EMILIN2: variants seen among roughly 807,000 people sequenced by gnomAD.
EMILIN2 encodes the protein elastin microfibril interfacer 2.
A neutral mutation model predicts 87.1 loss-of-function variants in EMILIN2; 71 were observed. That is an observed-to-expected ratio of 0.82 (90% confidence interval 0.67 to 0.99). The LOEUF is 0.99. Ranked by LOEUF, EMILIN2 falls within the 50% of genes least tolerant of loss-of-function variation. The pLI, the probability that EMILIN2 is intolerant of heterozygous loss-of-function variation, is 0.00. For missense variants in EMILIN2, 1,407 were observed against 1,371.8 expected (o/e 1.03, Z -0.40); for synonymous variants, 581 against 563.4 (o/e 1.03, Z -0.44).
intron 3 of EMILIN2, among the ~76,000 whole-genome samples, chr18:2,888,664 G>A (rs539153092): frequency 2.1e-4 from 31 of 148,178 alleles, no homozygotes; most frequent in Non-Finnish European, 3.5e-4. Context: ...GCAGTGAGCC[G>A]AGATAGCACC....
At chr18:2,882,404 TCA>T (rs929468579) in intron 2 of EMILIN2, among the ~76,000 whole-genome samples, 7 of 152,190 alleles carry the variant, frequency 4.6e-5, no homozygotes, top group African/African-American at 9.6e-5. Context: ...GGGTATTTTT[TCA>T]CAGTTTCCTG....
Position 2,913,094 on chromosome 18 carries a change from G to A in EMILIN2, c.2852G>A (p.Arg951His), listed in dbSNP as rs999758178. ...GTCTTCACGGCTCCTTATGATGGGCGCTACCTGATCACGGCCACCCTCACC... is the reference window on the plus strand; with the variant it reads ...GTCTTCACGGCTCCTTATGATGGGCACTACCTGATCACGGCCACCCTCACC... ...TGVFTAPYDG[R>H]YLITATLTPE... The change falls in exon 8 of 8, where the codon CGC (arginine) becomes CAC (histidine). Residue 951 changes from arginine (R) to histidine (H), a missense_variant. Physicochemically the swap from Arg to His is conservative, Grantham distance 29 (BLOSUM62 0). Transcript: ENST00000254528. 1.4e-5 allele frequency: 22 copies of A among 1,611,292 alleles called. No homozygotes were observed. Among genetic ancestry groups the A allele is most frequent in the Non-Finnish European group, 1.6e-5 (19 of 1,179,994 alleles).
At chr18:2,896,320 T>C (rs1256255489) in intron 4 of EMILIN2, among the ~76,000 whole-genome samples, 1 of 151,958 alleles carries the variant, frequency 6.6e-6, no homozygotes, top group African/African-American at 2.4e-5. Flanking sequence ...GGATTACAGG[T>C]GTCTGCCACC....
At chr18:2,867,473 C>T (rs966969157) in intron 2 of EMILIN2, among the ~76,000 whole-genome samples, 25 of 152,212 alleles carry the variant, frequency 1.6e-4, no homozygotes, top group South Asian at 6.2e-4. Context: ...AGGTCTCTGG[C>T]TTTCCTAGGC....
At position 2,847,279 on chromosome 18, in the gene EMILIN2, G is replaced by A. The variant is rs1289066864; in HGVS notation, c.91G>A (p.Gly31Ser). 3.8e-6 allele frequency: 5 copies of A among 1,315,878 alleles called. No homozygotes were observed. The highest frequency in any genetic ancestry group is 2.0e-5 in the South Asian group (1 of 49,432). 81.5% of individuals were successfully genotyped at this position (1,315,878 alleles called of 1,614,324 possible). A position where few individuals can be genotyped will look rare whatever the true frequency, so the allele number is the denominator to read the frequency against. ...GGTTGGCGCGGGGCTGTGCCACGCC[G>A]GCCCGCAGCCCGGGTATCCCGCGCG... ...ALVGAGLCHA[G>S]PQPGYPARPS... Residue 31 changes from glycine to serine, a missense_variant, in exon 1 of 8, where the codon GGC (glycine) becomes AGC (serine). Transcript: ENST00000254528. The surrounding 1 kb of genome is among the most constrained non-coding windows in gnomAD (Gnocchi z 4.5).
chr18:2,913,590 C>A lies in EMILIN2; in HGVS notation c.*186C>A. The A allele has an allele frequency of 1.7e-6, 1 of 572,744 alleles. No individual in the cohort carries two copies. Among genetic ancestry groups the A allele is most frequent in the South Asian group, 2.3e-5 (1 of 43,220 alleles). The allele number at this position is 572,744 out of a possible 1,614,324, so 35.5% of individuals were successfully genotyped here. A position where few individuals can be genotyped will look rare whatever the true frequency, so the allele number is the denominator to read the frequency against. On this transcript the variant is annotated 3_prime_UTR_variant, in exon 8 of 8. Transcript: ENST00000254528. The stretch of plus-strand genomic sequence containing the variant: ...TCCAGCCAGGCTGCAGGGAGTGAGG[C>A]ACACGGTGAACATGGCCACTGACTT...
At chr18:2,874,250 T>G (rs2076736632) in intron 2 of EMILIN2, among the ~76,000 whole-genome samples, 1 of 152,134 alleles carries the variant, frequency 6.6e-6, no homozygotes, top group South Asian at 2.1e-4. Flanking sequence ...AGACAGTGTC[T>G]CATTATATTG....
intron 4 of EMILIN2, among the ~76,000 whole-genome samples, chr18:2,896,222 C>T (rs943064884): frequency 3.3e-5 from 5 of 152,040 alleles, no homozygotes; most frequent in Admixed American, 6.6e-5. Context: ...GTTGCTGGGG[C>T]TGGAGTGCAG....
chr18:2,889,692 CTT>C (rs34248672), intron 3 of EMILIN2, among the ~76,000 whole-genome samples: 2,713 of 96,620 alleles, frequency 0.028, 81 homozygotes, highest in African/African-American at 0.1. Context: ...TTTTTCTTTT[CTT>C]TTTTTTTTTT....
chr18:2,891,123 C>T lies in EMILIN2; in HGVS notation c.996C>T (p.Gly332=), dbSNP rs560726648. The T allele has an allele frequency of 6.8e-6, 11 of 1,614,146 alleles. No homozygotes were observed. The African/African-American group carries it at 9.3e-5, about 14-fold the overall frequency. ...IDALREELME[G]MDRKLADLKN... The stretch of plus-strand genomic sequence containing the variant: ...CCCTGAGAGAGGAGCTCATGGAGGG[C>T]ATGGACAGAAAGCTGGCTGACCTGA... The change falls in exon 4 of 8, where the codon GGC becomes GGT. Residue 332 remains glycine (G), a synonymous_variant. Coordinates refer to ENST00000254528, the MANE Select transcript of EMILIN2 (RefSeq NM_032048.3). The surrounding 1 kb of genome is among the most constrained non-coding windows in gnomAD (Gnocchi z 4.6).
chr18:2,854,501 C>G (rs1464963716), intron 2 of EMILIN2, among the ~76,000 whole-genome samples: 2 of 152,100 alleles, frequency 1.3e-5, no homozygotes, highest in South Asian at 2.1e-4. Context: ...CACACACACA[C>G]AGAACATTTG....
chr18:2,869,786 TTGTGTG>T lies in EMILIN2; in HGVS notation c.258-15156_258-15151del, dbSNP rs777623155. Among the ~76,000 whole-genome samples, 17 of 59,158 alleles carry T rather than the reference TTGTGTG, an allele frequency of 2.9e-4. No homozygotes were observed. In the East Asian group the frequency reaches 3.5e-3, roughly 12 times the overall value. 38.8% of individuals were successfully genotyped at this position (59,158 alleles called of 152,430 possible). ...GATTCCTCTGTGTGTGTGTGTGTGTTTGTGTGTGTGTGTGTGTGTGTGTGTGTACCA... is the reference window on the plus strand; with the variant it reads ...GATTCCTCTGTGTGTGTGTGTGTGTTTGTGTGTGTGTGTGTGTGTGTACCA... On this transcript the variant is annotated intron_variant, in intron 2 of 7. Transcript: ENST00000254528.
At chr18:2,904,944 T>C (rs985238094) in intron 4 of EMILIN2, among the ~76,000 whole-genome samples, 1 of 152,220 alleles carries the variant, frequency 6.6e-6, no homozygotes, top group Non-Finnish European at 1.5e-5. Flanking sequence ...GCCTCCTTAT[T>C]CAGGGAGCAG....
chr18:2,909,407 C>T (rs986587817), intron 6 of EMILIN2, among the ~76,000 whole-genome samples: 1 of 152,216 alleles, frequency 6.6e-6, no homozygotes, highest in Non-Finnish European at 1.5e-5. Context: ...CACACACTCA[C>T]ACGCACATAC....
At chr18:2,907,843 C>T (rs2144072495) in intron 5 of EMILIN2, among the ~76,000 whole-genome samples, 1 of 152,340 alleles carries the variant, frequency 6.6e-6, no homozygotes, top group African/African-American at 2.4e-5. Context: ...CTGAATGGGG[C>T]AGGTCATGTC....
At chr18:2,895,210 C>T (rs1193237462) in intron 4 of EMILIN2, among the ~76,000 whole-genome samples, 4 of 151,864 alleles carry the variant, frequency 2.6e-5, no homozygotes, top group Non-Finnish European at 5.9e-5. Context: ...GAAGCACCCA[C>T]AGTGGAAGTC....
In EMILIN2 at chr18:2,890,433, C is replaced by A. The variant is rs1420954101; in HGVS notation, c.434-128C>A. On this transcript the variant is annotated intron_variant, in intron 3 of 7. Transcript: ENST00000254528. This position sits in a 1 kb window ranked among gnomAD's most constrained non-coding sequence, Gnocchi z 4.7. The stretch of plus-strand genomic sequence containing the variant: ...TTTTCTACTGTACCACAGTACTTAC[C>A]TACAATTGTGTAGTGACCTGTAAGT... 7.1e-6 allele frequency: 8 copies of A among 1,133,844 alleles called. No individual in the cohort carries two copies. The highest frequency in any genetic ancestry group is 1.2e-6 in the Non-Finnish European group (1 of 808,610). The allele number at this position is 1,133,844 out of a possible 1,614,324, so 70.2% of individuals were successfully genotyped here.
At chr18:2,893,470 A>G (rs1331807443) in intron 4 of EMILIN2, among the ~76,000 whole-genome samples, 3 of 152,242 alleles carry the variant, frequency 2.0e-5, no homozygotes, top group Admixed American at 6.5e-5. Context: ...TAGTGCTGAG[A>G]GCAATGCTGG....
rs796441591 is a variant in EMILIN2 at position 2,890,324 on chromosome 18, G to A, written c.434-237G>A. Among the ~76,000 whole-genome samples, 1 of 152,210 alleles carries A rather than the reference G, an allele frequency of 6.6e-6. No homozygotes were observed. Among genetic ancestry groups the A allele is most frequent in the Non-Finnish European group, 1.5e-5 (1 of 68,032 alleles). On this transcript the variant is annotated intron_variant, in intron 3 of 7. Coordinates refer to ENST00000254528, the MANE Select transcript of EMILIN2 (RefSeq NM_032048.3). The surrounding 1 kb of genome is among the most constrained non-coding windows in gnomAD (Gnocchi z 4.7). Reference sequence around the variant, plus strand: ...GATGAGAGGATTATAGTTCACAGAAGTTAGTTAACTTGCTCAAGGACAAAC... The same window carrying A: ...GATGAGAGGATTATAGTTCACAGAAATTAGTTAACTTGCTCAAGGACAAAC...
Sources: gnomAD v4.1 joint callset for allele counts (sites outside exome capture counted in the v4.1 genomes callset) on GRCh38, gnomAD v4.1.1 for gene constraint, Gnocchi (gnomAD v3.1) non-coding constraint, MANE v1.5 for transcripts, NCBI Gene and HGNC (gene_info 2026-07-23, HGNC 2026-07-21) for gene names.